Variants in EPHA6 observed in about 807,000 individuals in gnomAD.
The protein encoded by EPHA6 is ephrin type-A receptor 6.
Under a neutral mutation model 112.0 loss-of-function variants are expected in EPHA6, and 50 were observed. That is an observed-to-expected ratio of 0.45 (90% confidence interval 0.36 to 0.56). The LOEUF is 0.56. EPHA6 is among the 20% of genes least tolerant of loss of function. The probability of loss-of-function intolerance (pLI) is 0.00; values close to 1 mark genes in which losing one functional copy is unlikely to be tolerated. For missense variants in EPHA6, 1,280 were observed against 1,417.4 expected (o/e 0.90, Z 1.56); for synonymous variants, 529 against 490.7 (o/e 1.08, Z -1.03).
intron 2 of EPHA6, among the ~76,000 whole-genome samples, chr3:96,871,816 T>A (rs1439123725): frequency 6.6e-6 from 1 of 152,062 alleles, no homozygotes; most frequent in East Asian, 1.9e-4. Flanking sequence ...TTATATTTTA[T>A]TAAGTTAGCT....
intron 11 of EPHA6, among the ~76,000 whole-genome samples, chr3:97,574,668 T>G (rs1445306284): frequency 6.6e-6 from 1 of 152,098 alleles, no homozygotes; most frequent in Admixed American, 6.5e-5. Flanking sequence ...ATATAATGAA[T>G]TCTTACAAAT....
In EPHA6 at chr3:97,758,844, T is replaced by C. The variant is rs970174138; in HGVS notation, c.*10143T>C. On this transcript the variant is annotated 3_prime_UTR_variant, in exon 18 of 18. Transcript: ENST00000389672. ...AGGGGGATAGTTAATGAATGAAAATTTGGAGTGTTGGAGAGTAGAGAACAG... is the reference window on the plus strand; with the variant it reads ...AGGGGGATAGTTAATGAATGAAAATCTGGAGTGTTGGAGAGTAGAGAACAG... Among the ~76,000 whole-genome samples, 1 of 151,714 alleles carries C rather than the reference T, an allele frequency of 6.6e-6. No homozygotes were observed. The highest frequency in any genetic ancestry group is 2.1e-4 in the South Asian group (1 of 4,828).
At chr3:97,004,551 G>A (rs2107917107) in intron 3 of EPHA6, among the ~76,000 whole-genome samples, 1 of 152,324 alleles carries the variant, frequency 6.6e-6, no homozygotes, top group Admixed American at 6.5e-5. Context: ...ACATTTGTCA[G>A]ATGAGTAAAC....
intron 14 of EPHA6, among the ~76,000 whole-genome samples, chr3:97,717,231 CAAAA>C (rs748817650): frequency 4.1e-5 from 2 of 48,792 alleles, no homozygotes. Context: ...AACTCCATCT[CAAAA>C]AAAAAAAAAA....
intron 10 of EPHA6, among the ~76,000 whole-genome samples, chr3:97,519,891 G>T (rs1431842108): frequency 6.6e-6 from 1 of 151,028 alleles, no homozygotes; most frequent in Non-Finnish European, 1.5e-5. Context: ...AATCTTGGTT[G>T]GGGTATTTTT....
intron 3 of EPHA6, among the ~76,000 whole-genome samples, chr3:97,106,766 G>T (rs374538175): frequency 2.0e-5 from 3 of 152,118 alleles, no homozygotes; most frequent in Admixed American, 6.6e-5. Context: ...ACTGCCGAGG[G>T]GTCGGAGCCC....
At chr3:97,144,216 A>G (rs1211117604) in intron 3 of EPHA6, among the ~76,000 whole-genome samples, 2 of 151,686 alleles carry the variant, frequency 1.3e-5, no homozygotes, top group Non-Finnish European at 3.0e-5. Flanking sequence ...GTATAGGTAT[A>G]CTAATTATTG....
chr3:97,257,106 A>T (rs2079340947), intron 5 of EPHA6, among the ~76,000 whole-genome samples: 1 of 152,002 alleles, frequency 6.6e-6, no homozygotes, highest in Non-Finnish European at 1.5e-5. Context: ...ATTCAGGGAA[A>T]ACTATTATTT....
intron 7 of EPHA6, among the ~76,000 whole-genome samples, chr3:97,454,434 T>C (rs1274779496): frequency 6.6e-5 from 10 of 151,476 alleles, no homozygotes; most frequent in Non-Finnish European, 1.5e-4. Context: ...GAAAAAGAAA[T>C]ACTAAAATAC....
intron 16 of EPHA6, among the ~76,000 whole-genome samples, chr3:97,737,343 TTA>T (rs552499327): frequency 1.3e-5 from 2 of 152,014 alleles, no homozygotes; most frequent in Non-Finnish European, 2.9e-5. Context: ...AGAGACAGTT[TTA>T]TGTTTTCAGT....
At chr3:97,505,893 T>A (rs2092238227) in intron 10 of EPHA6, among the ~76,000 whole-genome samples, 1 of 152,230 alleles carries the variant, frequency 6.6e-6, no homozygotes, top group South Asian at 2.1e-4. Context: ...TGGCATGAGA[T>A]AATATTTCAT....
At chr3:96,830,826 G>A in intron 1 of EPHA6, among the ~76,000 whole-genome samples, 1 of 151,990 alleles carries the variant, frequency 6.6e-6, no homozygotes, top group East Asian at 1.9e-4. Flanking sequence ...AGTTAGACAA[G>A]TAAAGAAAGT....
At chr3:97,691,256 T>C (rs2032646813) in intron 14 of EPHA6, among the ~76,000 whole-genome samples, 1 of 152,352 alleles carries the variant, frequency 6.6e-6, no homozygotes, top group Admixed American at 6.5e-5. Flanking sequence ...TAAATATTTG[T>C]ATCCATTTAG....
Position 96,987,747 on chromosome 3 carries a change from G to A in EPHA6, c.868G>A (p.Ala290Thr), listed in dbSNP as rs879119988. Reference sequence around the variant, plus strand: ...TTTTCAAGACATTGGGGCGTGCATTGCCCTGGTTTCAGTCCGTGTTTTCTA... The same window carrying A: ...TTTTCAAGACATTGGGGCGTGCATTACCCTGGTTTCAGTCCGTGTTTTCTA... Reference protein sequence around the residue: ...LAFQDIGACIALVSVRVFYKK... With the variant: ...LAFQDIGACITLVSVRVFYKK... Residue 290 changes from alanine (A) to threonine (T), a missense_variant, in exon 3 of 18, where the codon GCC (alanine) becomes ACC (threonine). Ala to Thr is a moderately conservative substitution (Grantham distance 58, BLOSUM62 0). This residue lies in a region of EPHA6 where 878 missense variants were observed against 999.7 expected (regional missense o/e 0.88). Coordinates refer to ENST00000389672, the MANE Select transcript of EPHA6 (RefSeq NM_001080448.3). 6.2e-7 allele frequency: 1 copy of A among 1,613,432 alleles called. No homozygotes were observed. Among genetic ancestry groups the A allele is most frequent in the Non-Finnish European group, 8.5e-7 (1 of 1,179,634 alleles).
At chr3:97,231,715 G>T (rs1269481238) in intron 4 of EPHA6, among the ~76,000 whole-genome samples, 2 of 152,082 alleles carry the variant, frequency 1.3e-5, no homozygotes, top group African/African-American at 4.8e-5. Flanking sequence ...AAGATGAAGG[G>T]TGGAACTTTA....
intron 6 of EPHA6, among the ~76,000 whole-genome samples, chr3:97,437,323 A>G (rs923948484): frequency 6.6e-5 from 10 of 152,280 alleles, no homozygotes; most frequent in African/African-American, 2.4e-4. Context: ...ATTAGATATA[A>G]TTAATCAAAG....
intron 3 of EPHA6, among the ~76,000 whole-genome samples, chr3:97,174,063 A>G (rs775441998): frequency 6.6e-5 from 10 of 150,464 alleles, no homozygotes; most frequent in Non-Finnish European, 1.3e-4. Context: ...TCTGATAACT[A>G]TCTTTCTACC....
chr3:97,673,949 G>A (rs752844808), intron 14 of EPHA6, among the ~76,000 whole-genome samples: 1 of 152,174 alleles, frequency 6.6e-6, no homozygotes, highest in African/African-American at 2.4e-5. Flanking sequence ...TAGTAGTATG[G>A]CATTAAAGAT....
intron 3 of EPHA6, among the ~76,000 whole-genome samples, chr3:97,108,747 T>C (rs2047638707): frequency 6.6e-6 from 1 of 152,136 alleles, no homozygotes; most frequent in Non-Finnish European, 1.5e-5. Flanking sequence ...GCTAGGACAT[T>C]TCTGGCACTG....
Sources: allele counts gnomAD v4.1 joint callset (sites outside exome capture counted in the v4.1 genomes callset), GRCh38; gene constraint gnomAD v4.1.1; regional missense constraint gnomAD v4.1.1; transcripts MANE v1.5; gene names NCBI Gene and HGNC (gene_info 2026-07-23, HGNC 2026-07-21).